The following EYS variants were observed in gnomAD, a reference collection of about 807,000 sequenced individuals.
The protein encoded by EYS is protein eyes shut homolog.
In EYS, 250 loss-of-function variants were observed where a neutral mutation model predicts 282.1. That is an observed-to-expected ratio of 0.89 (90% CI 0.80 to 0.98). The LOEUF is 0.98. Among genes scored for constraint, EYS ranks in the 50% least tolerant of loss-of-function variants. The pLI, the probability that EYS is intolerant of heterozygous loss-of-function variation, is 0.00. For synonymous variants in EYS, 1,355 were observed against 1,282.9 expected (o/e 1.06, Z -1.20); for missense variants, 4,016 against 3,709.0 (o/e 1.08, Z -2.15).
At chr6:64,743,475 T>C (rs561339078) in intron 22 of EYS, among the ~76,000 whole-genome samples, 1 of 152,268 alleles carries the variant, frequency 6.6e-6, no homozygotes, top group South Asian at 2.1e-4. Flanking sequence ...ATTTTCAATT[T>C]TTTTTCTAAT....
chr6:64,285,745 C>T lies in EYS; in HGVS notation c.6191+21225G>A, dbSNP rs140053165. On this transcript the variant is annotated intron_variant, in intron 30 of 42. Coordinates refer to ENST00000503581, the MANE Select transcript of EYS (RefSeq NM_001142800.2). ...CACAATCATAATGGGAGGTGAAAGC[C>T]CATTACATGGTGGTGACAATAGAAA... is the stretch of plus-strand genomic sequence containing the variant. Among the ~76,000 whole-genome samples, 1,336 of 152,138 alleles carry T rather than the reference C, an allele frequency of 8.8e-3. 26 individuals are homozygous for T. Among genetic ancestry groups the T allele is most frequent in the African/African-American group, 0.029 (1,202 of 41,486 alleles).
chr6:65,443,283 C>T (rs992696045), intron 5 of EYS, among the ~76,000 whole-genome samples: 1 of 119,658 alleles, frequency 8.4e-6, no homozygotes, highest in Non-Finnish European at 1.9e-5. Flanking sequence ...GACATGTATG[C>T]ATGCATATAT....
intron 2 of EYS, among the ~76,000 whole-genome samples, chr6:65,506,056 C>T (rs114440245): frequency 4.6e-5 from 7 of 152,040 alleles, no homozygotes; most frequent in African/African-American, 1.4e-4. Flanking sequence ...TTTGGCATAA[C>T]GTTGCTAGGT....
intron 11 of EYS, among the ~76,000 whole-genome samples, chr6:65,319,204 CAA>C (rs55687610): frequency 1.1e-4 from 5 of 44,396 alleles, no homozygotes; most frequent in Non-Finnish European, 1.6e-4. Context: ...ACTAAAAATG[CAA>C]AAAAAAAAAA....
intron 23 of EYS, among the ~76,000 whole-genome samples, chr6:64,619,921 G>T (rs1283707922): frequency 6.6e-6 from 1 of 152,120 alleles, no homozygotes; most frequent in East Asian, 1.9e-4. Context: ...TAAAGTAAAT[G>T]CTCTACGAAA....
intron 12 of EYS, among the ~76,000 whole-genome samples, chr6:65,105,440 A>T (rs1329459938): frequency 6.6e-6 from 1 of 151,854 alleles, no homozygotes; most frequent in Non-Finnish European, 1.5e-5. Context: ...TATTTTTCTG[A>T]AAAACCTTGT....
At chr6:64,949,518 G>C (rs1769407509) in intron 14 of EYS, among the ~76,000 whole-genome samples, 1 of 151,850 alleles carries the variant, frequency 6.6e-6, no homozygotes, top group African/African-American at 2.4e-5. Context: ...AATCTCTGCT[G>C]TTACCTCTTG....
intron 11 of EYS, chr6:65,330,213 G>A (rs909320381): frequency 1.0e-5 from 10 of 959,866 alleles, no homozygotes; most frequent in Non-Finnish European, 1.2e-5. Context: ...CAGGTATCAT[G>A]TCTCATTGTC....
intron 2 of EYS, among the ~76,000 whole-genome samples, chr6:65,547,371 T>C (rs939425767): frequency 1.3e-5 from 2 of 151,944 alleles, no homozygotes; most frequent in Admixed American, 1.3e-4. Flanking sequence ...CTATCTTAAA[T>C]GGATCTGAGA....
intron 22 of EYS, among the ~76,000 whole-genome samples, chr6:64,746,966 C>T (rs576290750): frequency 6.6e-6 from 1 of 152,340 alleles, no homozygotes; most frequent in South Asian, 2.1e-4. Context: ...TTTCTGGCTG[C>T]TAAGAGCTTT....
At chr6:64,096,242 T>C (rs1048235489) in intron 31 of EYS, among the ~76,000 whole-genome samples, 2 of 152,188 alleles carry the variant, frequency 1.3e-5, no homozygotes, top group African/African-American at 4.8e-5. Context: ...AAGTTGCTTT[T>C]CTCGAGGAGT....
At chr6:65,556,822 A>C (rs981893027) in intron 2 of EYS, among the ~76,000 whole-genome samples, 2 of 152,132 alleles carry the variant, frequency 1.3e-5, no homozygotes. Context: ...CTGTCTTTTC[A>C]TATGAATTCT....
At chr6:63,897,078 C>T (rs1310408446) in intron 35 of EYS, among the ~76,000 whole-genome samples, 3 of 152,184 alleles carry the variant, frequency 2.0e-5, no homozygotes, top group African/African-American at 2.4e-5. Flanking sequence ...GTACTGATGT[C>T]GTGATCTCTC....
chr6:64,701,467 G>GA (rs1056446467), intron 22 of EYS, among the ~76,000 whole-genome samples: 20 of 151,772 alleles, frequency 1.3e-4, no homozygotes, highest in South Asian at 1.2e-3. Flanking sequence ...CTACCAAAAG[G>GA]AAAAAAACCA....
chr6:65,593,005 T>A (rs1445526886), intron 2 of EYS, among the ~76,000 whole-genome samples: 1 of 151,994 alleles, frequency 6.6e-6, no homozygotes, highest in Non-Finnish European at 1.5e-5. Flanking sequence ...TAGGAGTCAA[T>A]GTTGAAGATA....
chr6:64,372,018 G>T (rs201430654), intron 29 of EYS, among the ~76,000 whole-genome samples: 2 of 151,586 alleles, frequency 1.3e-5, no homozygotes, highest in African/African-American at 4.9e-5. Flanking sequence ...TCACTTTCAA[G>T]TGAACATGTA....
chr6:65,345,405 T>C (rs986057260), intron 9 of EYS, among the ~76,000 whole-genome samples: 27 of 151,922 alleles, frequency 1.8e-4, no homozygotes, highest in Non-Finnish European at 1.5e-5. Flanking sequence ...TTAATTGATA[T>C]GTGTTCCTCC....
chr6:64,592,906 A>AT (rs1312985250), intron 25 of EYS, among the ~76,000 whole-genome samples: 1 of 152,076 alleles, frequency 6.6e-6, no homozygotes, highest in African/African-American at 2.4e-5. Flanking sequence ...GTTAATTTAC[A>AT]TTTTTTTACT....
At chr6:64,094,600 T>C (rs1772511327) in intron 31 of EYS, among the ~76,000 whole-genome samples, 1 of 152,224 alleles carries the variant, frequency 6.6e-6, no homozygotes, top group Non-Finnish European at 1.5e-5. Flanking sequence ...TCTGTGGTGA[T>C]GTCCCCTTTA....
Sources: gnomAD v4.1 joint callset for allele counts (sites outside exome capture counted in the v4.1 genomes callset) on GRCh38, gnomAD v4.1.1 for gene constraint, MANE v1.5 for transcripts, NCBI Gene and HGNC (gene_info 2026-07-23, HGNC 2026-07-21) for gene names.